PLEKHH2: variants seen among roughly 807,000 people sequenced by gnomAD.
The protein encoded by PLEKHH2 is pleckstrin homology domain-containing family H member 2.
PLEKHH2 carries 129 observed loss-of-function variants against 187.9 expected under a neutral mutation model. That is an observed-to-expected ratio of 0.69 (90% CI 0.59 to 0.79). PLEKHH2 has a LOEUF of 0.79. Ranked by LOEUF, PLEKHH2 falls within the 30% of genes least tolerant of loss-of-function variation. The pLI is 0.00. For missense variants in PLEKHH2, 2,076 were observed against 1,751.2 expected, an observed-to-expected ratio of 1.19 and a Z score of -3.31; for synonymous variants, 686 against 605.6, an observed-to-expected ratio of 1.13 and a Z score of -1.95.
chr2:43,700,899 C>G (rs1431891751), intron 8 of PLEKHH2, among the ~76,000 whole-genome samples: 3 of 152,208 alleles, frequency 2.0e-5, no homozygotes, highest in African/African-American at 4.8e-5. Context: ...ATCCACCTGC[C>G]TTTGCCTCCC....
intron 2 of PLEKHH2, among the ~76,000 whole-genome samples, chr2:43,648,309 CTAA>C (rs1207306889): frequency 6.6e-6 from 1 of 151,990 alleles, no homozygotes; most frequent in Admixed American, 6.6e-5. Flanking sequence ...CTGCCTCAGC[CTAA>C]TGAGTAGCTG....
Position 43,757,422 on chromosome 2 carries a change from C to CTT in PLEKHH2, c.3941+172_3941+173dup, listed in dbSNP as rs564542581. On this transcript the variant is annotated intron_variant, in intron 26 of 29. Coordinates refer to ENST00000282406, the MANE Select transcript of PLEKHH2 (RefSeq NM_172069.4). Reference sequence around the variant, plus strand: ...AGGAGATTATAGATTTTTTTTCTTTCTTTTTTTTTTTTTTTGAGACGGAGT... The same window carrying CTT: ...AGGAGATTATAGATTTTTTTTCTTTCTTTTTTTTTTTTTTTTTGAGACGGAGT... 6.5e-3 allele frequency among the ~76,000 whole-genome samples: 902 copies of CTT among 139,412 alleles called. 4 individuals are homozygous for CTT. The highest frequency in any genetic ancestry group is 0.011 in the Middle Eastern group (3 of 266). 91.5% of individuals were successfully genotyped at this position (139,412 alleles called of 152,430 possible). A position where few individuals can be genotyped will look rare whatever the true frequency, so the allele number is the denominator to read the frequency against.
intron 9 of PLEKHH2, 65 bp downstream of exon 9, chr2:43,704,121 A>T: frequency 9.1e-7 from 1 of 1,095,880 alleles, no homozygotes; most frequent in East Asian, 2.4e-5. Flanking sequence ...GGATAGTATA[A>T]TACAAATACA....
At chr2:43,678,953 T>C in intron 3 of PLEKHH2, 28 bp downstream of exon 3, 3 of 1,543,652 alleles carry the variant, frequency 1.9e-6, no homozygotes, top group Non-Finnish European at 2.7e-6. Context: ...TTTAAATTTT[T>C]TTTGCCTGTA....
chr2:43,725,452 C>G (rs1670694242), intron 16 of PLEKHH2, among the ~76,000 whole-genome samples: 1 of 152,140 alleles, frequency 6.6e-6, no homozygotes, highest in South Asian at 2.1e-4. Context: ...CCGAAGCTGT[C>G]TTATCTGTGT....
In PLEKHH2 at chr2:43,641,764, T is replaced by C. The variant is rs140248209; in HGVS notation, c.-3-2907T>C. The stretch of plus-strand genomic sequence containing the variant: ...GTTGAAAAGACTATTCTTTCCCCCA[T>C]TGGATGATCTTATCACTCTTGCCAA... On this transcript the variant is annotated intron_variant, in intron 1 of 29. Coordinates refer to ENST00000282406, the MANE Select transcript of PLEKHH2 (RefSeq NM_172069.4). 2.1e-3 allele frequency among the ~76,000 whole-genome samples: 314 copies of C among 152,326 alleles called. 1 individual carries two copies. Among genetic ancestry groups the C allele is most frequent in the African/African-American group, 7.3e-3 (302 of 41,578 alleles).
intron 28 of PLEKHH2, among the ~76,000 whole-genome samples, chr2:43,762,881 G>A (rs1021163467): frequency 9.2e-5 from 14 of 151,938 alleles, no homozygotes; most frequent in Middle Eastern, 3.2e-3. Flanking sequence ...TTATTTACCC[G>A]AAATTTACAT....
At chr2:43,704,798 C>T (rs1053442429) in intron 9 of PLEKHH2, among the ~76,000 whole-genome samples, 1 of 150,508 alleles carries the variant, frequency 6.6e-6, no homozygotes, top group Non-Finnish European at 1.5e-5. Context: ...TGTCTAAATT[C>T]ATTGGAATAA....
chr2:43,750,974 C>T (rs1419850066), intron 24 of PLEKHH2, among the ~76,000 whole-genome samples: 1 of 152,178 alleles, frequency 6.6e-6, no homozygotes, highest in Admixed American at 6.5e-5. Context: ...AGAACATGGG[C>T]TGGAGACAGG....
chr2:43,727,183 G>A (rs1362664691), intron 17 of PLEKHH2, among the ~76,000 whole-genome samples: 1 of 152,174 alleles, frequency 6.6e-6, no homozygotes, highest in Non-Finnish European at 1.5e-5. Flanking sequence ...GGAGGCCGAG[G>A]CGGGTGGATC....
chr2:43,706,255 A>G (rs946312850), intron 9 of PLEKHH2, 67 bp from the exon 10 acceptor site: 4 of 1,082,146 alleles, frequency 3.7e-6, no homozygotes, highest in East Asian at 4.7e-5. Flanking sequence ...ATTTGTATTC[A>G]TAAGAAAAAG....
In PLEKHH2 at chr2:43,738,462, G is replaced by A. The variant is rs1403515177; in HGVS notation, c.3065G>A (p.Cys1022Tyr). The change falls in exon 20 of 30, where the codon TGT becomes TAT. Residue 1022 changes from cysteine (C) to tyrosine (Y), a missense_variant. Coordinates refer to ENST00000282406, the MANE Select transcript of PLEKHH2 (RefSeq NM_172069.4). ...THPELQNEIC[C>Y]QLIKQTRRRQ... is the part of the protein sequence containing the mutation. ...CCTGAGCTGCAGAATGAAATTTGCT[G>A]TCAGCTTATTAAACAGACAAGACGA... 1.9e-6 allele frequency: 3 copies of A among 1,613,838 alleles called. No individual in the cohort carries two copies. Among genetic ancestry groups the A allele is most frequent in the Non-Finnish European group, 2.5e-6 (3 of 1,179,842 alleles).
At position 43,644,708 on chromosome 2, in the gene PLEKHH2, A is replaced by T; in HGVS notation, c.35A>T (p.Asp12Val). The T allele has an allele frequency of 1.9e-6, 3 of 1,607,686 alleles. No individual in the cohort carries two copies. The highest frequency in any genetic ancestry group is 8.5e-7 in the Non-Finnish European group (1 of 1,175,738). ...AELSEPEGPVDWKERCVALES... is the reference protein window; with the variant it reads ...AELSEPEGPVVWKERCVALES... ...CTTTCTGAGCCAGAGGGACCAGTAGATTGGAAGGAACGATGTGTAGCTCTG... is the reference window on the plus strand; with the variant it reads ...CTTTCTGAGCCAGAGGGACCAGTAGTTTGGAAGGAACGATGTGTAGCTCTG... Residue 12 changes from aspartate to valine, a missense_variant, in exon 2 of 30, where the codon GAT becomes GTT. By Grantham distance (152) the Asp-to-Val change is radical. Transcript: ENST00000282406.
At chr2:43,692,780 T>G in intron 4 of PLEKHH2, 117 bp downstream of exon 4, 1 of 1,145,588 alleles carries the variant, frequency 8.7e-7, no homozygotes, top group Non-Finnish European at 1.3e-6. Flanking sequence ...GCTTATTCGG[T>G]CAACCCATAG....
chr2:43,713,099 A>AACACACACACACACACAC (rs10524364), intron 15 of PLEKHH2, among the ~76,000 whole-genome samples: 6,802 of 150,718 alleles, frequency 0.045, 508 homozygotes, highest in African/African-American at 0.16. Context: ...ATATCAAATC[A>AACACACACACACACACAC]ACACACACAC....
At chr2:43,652,725 C>T (rs1037930840) in intron 2 of PLEKHH2, among the ~76,000 whole-genome samples, 2 of 152,180 alleles carry the variant, frequency 1.3e-5, no homozygotes, top group Non-Finnish European at 1.5e-5. Flanking sequence ...CTTAAACCTA[C>T]GTATCACATC....
At chr2:43,660,705 T>A (rs2104380359) in intron 2 of PLEKHH2, among the ~76,000 whole-genome samples, 1 of 127,202 alleles carries the variant, frequency 7.9e-6, no homozygotes, top group Non-Finnish European at 1.6e-5. Context: ...CACCTATGAG[T>A]GAGAATATGC....
intron 3 of PLEKHH2, among the ~76,000 whole-genome samples, chr2:43,685,152 C>T (rs1048419045): frequency 1.3e-5 from 2 of 152,142 alleles, no homozygotes; most frequent in African/African-American, 4.8e-5. Context: ...TTGCTGAAAT[C>T]AGCTTGCCTT....
chr2:43,720,846 A>G, intron 16 of PLEKHH2, 97 bp downstream of exon 16: 2 of 1,482,124 alleles, frequency 1.3e-6, no homozygotes, highest in South Asian at 2.7e-5. Flanking sequence ...GTAAAACTTC[A>G]GAATCTTTAT....
Sources: gnomAD v4.1 joint callset for allele counts (sites outside exome capture counted in the v4.1 genomes callset) on GRCh38, gnomAD v4.1.1 for gene constraint, MANE v1.5 for transcripts, NCBI Gene and HGNC (gene_info 2026-07-23, HGNC 2026-07-21) for gene names.